Variants in FER1L6 observed in about 807,000 individuals in gnomAD.
FER1L6 encodes fer-1-like protein 6.
A neutral mutation model predicts 219.2 loss-of-function variants in FER1L6; 177 were observed. The ratio of observed to expected loss-of-function variants is 0.81; its 90% CI spans 0.71 to 0.91. The LOEUF (loss-of-function observed/expected upper bound fraction) is 0.91. Ranked by LOEUF, FER1L6 falls within the 40% of genes least tolerant of loss-of-function variation. The probability of loss-of-function intolerance (pLI) is 0.00; values close to 1 mark genes in which losing one functional copy is unlikely to be tolerated. For missense variants in FER1L6, 2,153 were observed against 2,259.9 expected (o/e 0.95, Z 0.96); for synonymous variants, 768 against 824.3 (o/e 0.93, Z 1.17).
chr8:124,025,013 G>A (rs1223575423), intron 18 of FER1L6, among the ~76,000 whole-genome samples: 4 of 151,644 alleles, frequency 2.6e-5, no homozygotes, highest in Non-Finnish European at 4.4e-5. Context: ...TTTTCTGGGA[G>A]GTGTCTATTC....
At chr8:124,108,802 C>G (rs1048947382) in intron 39 of FER1L6, among the ~76,000 whole-genome samples, 1 of 151,850 alleles carries the variant, frequency 6.6e-6, no homozygotes, top group African/African-American at 2.4e-5. Flanking sequence ...CCCTTGAGCC[C>G]AGGAGTTCAA....
intron 13 of FER1L6, among the ~76,000 whole-genome samples, chr8:124,005,655 A>G (rs1263759133): frequency 6.6e-6 from 1 of 152,222 alleles, no homozygotes; most frequent in Non-Finnish European, 1.5e-5. Context: ...ATATCTGTTC[A>G]TCTCTGTGAC....
chr8:124,097,503 G>GC, intron 36 of FER1L6, 144 bp downstream of exon 36: 1 of 637,244 alleles, frequency 1.6e-6, no homozygotes, highest in African/African-American at 1.8e-5. Context: ...GCTGGTGGTG[G>GC]CCCCTGTCTT....
intron 1 of FER1L6, among the ~76,000 whole-genome samples, chr8:123,924,233 CAAAAAAA>C (rs71289625): frequency 4.2e-4 from 28 of 66,962 alleles, no homozygotes; most frequent in Non-Finnish European, 6.3e-4. Flanking sequence ...GACTCAGTAT[CAAAAAAA>C]AAAAAAAAAA....
intron 1 of FER1L6, among the ~76,000 whole-genome samples, chr8:123,879,754 C>G (rs1163787728): frequency 6.6e-6 from 1 of 152,154 alleles, no homozygotes; most frequent in African/African-American, 2.4e-5. Context: ...CACATTCACT[C>G]ACTGAAGTAT....
intron 1 of FER1L6, among the ~76,000 whole-genome samples, chr8:123,934,596 C>T (rs1403166627): frequency 2.0e-5 from 3 of 151,636 alleles, no homozygotes; most frequent in African/African-American, 7.3e-5. Flanking sequence ...CTGGAGGAGG[C>T]ATGTGCTATC....
chr8:123,886,848 G>A (rs1156520217), intron 1 of FER1L6, among the ~76,000 whole-genome samples: 1 of 152,214 alleles, frequency 6.6e-6, no homozygotes, highest in Non-Finnish European at 1.5e-5. Context: ...CTTCTCATCT[G>A]TGAGGACAAT....
intron 20 of FER1L6, among the ~76,000 whole-genome samples, chr8:124,045,081 CAGT>C (rs879893769): frequency 6.6e-6 from 1 of 152,218 alleles, no homozygotes; most frequent in Non-Finnish European, 1.5e-5. Context: ...AACCACAAAA[CAGT>C]AGAATTCCAC....
intron 1 of FER1L6, among the ~76,000 whole-genome samples, chr8:123,881,609 C>T (rs1196561704): frequency 1.3e-5 from 2 of 152,110 alleles, no homozygotes; most frequent in African/African-American, 4.8e-5. Context: ...ACCACCCAGC[C>T]ATCCTTAGAC....
chr8:123,878,633 C>G (rs183977245), intron 1 of FER1L6, among the ~76,000 whole-genome samples: 203 of 152,310 alleles, frequency 1.3e-3, no homozygotes, highest in Non-Finnish European at 2.0e-3. Flanking sequence ...GAGCCTTATC[C>G]TGAGCATAAA....
At chr8:124,097,189 C>A in intron 35 of FER1L6, 82 bp from the exon 36 acceptor site, 2 of 1,011,246 alleles carry the variant, frequency 2.0e-6, no homozygotes, top group South Asian at 1.5e-5. Context: ...CTAAAGGGAT[C>A]TTATAAAACC....
At chr8:124,102,675 T>G (rs1308640978) in intron 38 of FER1L6, among the ~76,000 whole-genome samples, 1 of 152,182 alleles carries the variant, frequency 6.6e-6, no homozygotes, top group East Asian at 1.9e-4. Flanking sequence ...AAGGTTCACT[T>G]CCTGTCCTGG....
intron 1 of FER1L6, among the ~76,000 whole-genome samples, chr8:123,876,105 G>A (rs1265303681): frequency 6.6e-6 from 1 of 152,184 alleles, no homozygotes; most frequent in East Asian, 1.9e-4. Flanking sequence ...GCCCTCTGCA[G>A]TCTGGCCTTT....
intron 18 of FER1L6, among the ~76,000 whole-genome samples, chr8:124,030,511 C>A (rs1818910341): frequency 6.6e-6 from 1 of 152,130 alleles, no homozygotes; most frequent in Admixed American, 6.5e-5. Flanking sequence ...GGAAATTCAT[C>A]ACCGAAAGGA....
chr8:123,891,275 A>T (rs963287777), intron 1 of FER1L6, among the ~76,000 whole-genome samples: 3 of 152,236 alleles, frequency 2.0e-5, no homozygotes, highest in African/African-American at 7.2e-5. Context: ...AATCTTGGAA[A>T]TGTGCGATGA....
chr8:124,058,043 A>G (rs1315229139), intron 22 of FER1L6, among the ~76,000 whole-genome samples: 2 of 152,192 alleles, frequency 1.3e-5, no homozygotes, highest in African/African-American at 2.4e-5. Context: ...AGACATTTCT[A>G]CATAAAAATA....
chr8:124,018,235 T>C (rs915002686), intron 16 of FER1L6, among the ~76,000 whole-genome samples: 5 of 152,206 alleles, frequency 3.3e-5, no homozygotes, highest in Non-Finnish European at 7.3e-5. Flanking sequence ...AGTCAGGCCC[T>C]GGATTATCTC....
intron 1 of FER1L6, among the ~76,000 whole-genome samples, chr8:123,879,980 C>T (rs185646397): frequency 6.6e-6 from 1 of 152,250 alleles, no homozygotes; most frequent in Admixed American, 6.5e-5. Flanking sequence ...ACATTGCCTC[C>T]AAGATTCAGA....
chr8:123,989,507 G>A (rs1460067088), intron 12 of FER1L6, among the ~76,000 whole-genome samples: 1 of 152,116 alleles, frequency 6.6e-6, no homozygotes, highest in Non-Finnish European at 1.5e-5. Flanking sequence ...TACTGCACCT[G>A]TCACCCAAGC....
Sources: gnomAD v4.1 joint callset for allele counts (sites outside exome capture counted in the v4.1 genomes callset) on GRCh38, gnomAD v4.1.1 for gene constraint, MANE v1.5 for transcripts, NCBI Gene and HGNC (gene_info 2026-07-23, HGNC 2026-07-21) for gene names.